MTA3: variants seen among roughly 807,000 people sequenced by gnomAD.
The protein encoded by MTA3 is metastasis-associated protein MTA3.
MTA3 carries 34 observed loss-of-function variants against 83.5 expected under a neutral mutation model. The observed-to-expected ratio is 0.41, with a 90% CI of 0.31 to 0.54. The LOEUF (loss-of-function observed/expected upper bound fraction) is 0.54. Ranked by LOEUF, MTA3 falls within the 20% of genes least tolerant of loss-of-function variation. MTA3 has a pLI of 0.33. For synonymous variants in MTA3, 303 were observed against 252.7 expected (o/e 1.20, Z -1.89); for missense variants, 761 against 726.4 (o/e 1.05, Z -0.55).
intron 8 of MTA3, among the ~76,000 whole-genome samples, chr2:42,660,263 AT>A (rs1689559760): frequency 6.6e-6 from 1 of 151,588 alleles, no homozygotes; most frequent in African/African-American, 2.4e-5. Flanking sequence ...TAATTTTTGT[AT>A]TTTTGGTAGA....
chr2:42,582,628 T>TA (rs1233824406), intron 3 of MTA3, among the ~76,000 whole-genome samples: 1 of 152,060 alleles, frequency 6.6e-6, no homozygotes, highest in Non-Finnish European at 1.5e-5. Flanking sequence ...ACTCTATTTT[T>TA]AAAAAAATTA....
intron 2 of MTA3, among the ~76,000 whole-genome samples, chr2:42,506,593 G>A (rs1002688548): frequency 4.6e-5 from 7 of 151,480 alleles, no homozygotes; most frequent in African/African-American, 1.5e-4. Context: ...TAGGCGGGGG[G>A]TAACGGATTG....
At chr2:42,735,074 C>G (rs563139027) in intron 16 of MTA3, among the ~76,000 whole-genome samples, 1 of 152,198 alleles carries the variant, frequency 6.6e-6, no homozygotes, top group South Asian at 2.1e-4. Context: ...ACCTTCAGAT[C>G]ATTTCTTATT....
chr2:42,645,745 G>A (rs952701338), intron 6 of MTA3, among the ~76,000 whole-genome samples: 4 of 152,156 alleles, frequency 2.6e-5, no homozygotes, highest in Admixed American at 6.5e-5. Flanking sequence ...GCCAGCAGAG[G>A]TTGGGTCATG....
At chr2:42,722,280 C>A (rs1667464942) in intron 15 of MTA3, among the ~76,000 whole-genome samples, 1 of 152,172 alleles carries the variant, frequency 6.6e-6, no homozygotes, top group African/African-American at 2.4e-5. Context: ...ATGCATATAC[C>A]ACAGGCACAT....
In MTA3 at chr2:42,633,702, T is replaced by C. The variant is rs561168060; in HGVS notation, c.318-6471T>C. 5.4e-3 allele frequency among the ~76,000 whole-genome samples: 814 copies of C among 152,092 alleles called. 2 individuals carry two copies. Among genetic ancestry groups the C allele is most frequent in the Admixed American group, 8.1e-3 (124 of 15,258 alleles). On this transcript the variant is annotated intron_variant, in intron 4 of 16. Transcript: ENST00000405094. ...GTCAGGAGATCGAGACCATCCTGGC[T>C]AACACAGTGAAACCCCGTCTCTACT...
At chr2:42,594,728 A>ATATATATATATTTTTT in intron 3 of MTA3, among the ~76,000 whole-genome samples, 22 of 24,042 alleles carry the variant, frequency 9.2e-4, no homozygotes, top group African/African-American at 1.1e-3. Flanking sequence ...ATATATATAT[A>ATATATATATATTTTTT]TTTTTTTTTT....
At chr2:42,694,860 G>C (rs1693235808) in intron 9 of MTA3, among the ~76,000 whole-genome samples, 1 of 152,180 alleles carries the variant, frequency 6.6e-6, no homozygotes, top group Non-Finnish European at 1.5e-5. Flanking sequence ...TGTTATCAGG[G>C]CTGGTCACGG....
At chr2:42,642,732 C>T (rs1419122695) in intron 5 of MTA3, among the ~76,000 whole-genome samples, 2 of 151,126 alleles carry the variant, frequency 1.3e-5, no homozygotes, top group East Asian at 3.9e-4. Flanking sequence ...GCAACCTCTG[C>T]CTCCTGTGTT....
intron 4 of MTA3, among the ~76,000 whole-genome samples, chr2:42,624,707 G>A (rs1685910575): frequency 6.6e-6 from 1 of 152,104 alleles, no homozygotes; most frequent in South Asian, 2.1e-4. Flanking sequence ...TAAATATTTT[G>A]TAACTTCCTA....
intron 4 of MTA3, among the ~76,000 whole-genome samples, chr2:42,615,285 A>G (rs1354803321): frequency 6.8e-6 from 1 of 147,904 alleles, no homozygotes; most frequent in Non-Finnish European, 1.5e-5. Context: ...AATGTTTACT[A>G]TGGAACACTG....
chr2:42,755,473 C>G lies in MTA3; in HGVS notation c.*2074C>G. The G allele has an allele frequency of 2.0e-6, 2 of 985,482 alleles. No individual in the cohort carries two copies. Among genetic ancestry groups the G allele is most frequent in the Non-Finnish European group, 2.4e-6 (2 of 829,962 alleles). 61.0% of individuals were successfully genotyped at this position (985,482 alleles called of 1,614,324 possible). ...ACATTTGGCTTTGGGAAAAGCGCAG[C>G]TTGTTCGAGCCACGTGTGCCAAGCA... is the stretch of plus-strand genomic sequence containing the variant. On this transcript the variant is annotated 3_prime_UTR_variant, in exon 17 of 17. Coordinates refer to ENST00000405094, the MANE Select transcript of MTA3 (RefSeq NM_001330442.2).
intron 3 of MTA3, among the ~76,000 whole-genome samples, chr2:42,582,109 G>A (rs1482339448): frequency 1.3e-5 from 2 of 151,918 alleles, no homozygotes; most frequent in African/African-American, 2.4e-5. Context: ...CCAGGCTGGA[G>A]TGTAGTGGCG....
chr2:42,549,122 G>A lies in MTA3; in HGVS notation c.-140-21315G>A, dbSNP rs530896569. On this transcript the variant is annotated intron_variant, in intron 2 of 17. Coordinates refer to the MTA3 transcript ENST00000405592. ...TGGGAGGCGGAGCTTGCAGTGAGCC[G>A]AGATCGTGCCATTGCACTCCAGCCT... is the stretch of plus-strand genomic sequence containing the variant. 5.8e-3 allele frequency among the ~76,000 whole-genome samples: 793 copies of A among 137,834 alleles called. 7 individuals carry two copies. Among genetic ancestry groups the A allele is most frequent in the Non-Finnish European group, 8.4e-3 (549 of 65,596 alleles). The allele number at this position is 137,834 out of a possible 152,430, so 90.4% of individuals were successfully genotyped here. A position where few individuals can be genotyped will look rare whatever the true frequency, so the allele number is the denominator to read the frequency against.
chr2:42,731,503 GA>G (rs1486655244), intron 16 of MTA3, among the ~76,000 whole-genome samples: 1 of 152,192 alleles, frequency 6.6e-6, no homozygotes, highest in Non-Finnish European at 1.5e-5. Context: ...AGCAAAAGCA[GA>G]AACTTCTAAT....
chr2:42,623,903 G>C (rs1015843506), intron 4 of MTA3, among the ~76,000 whole-genome samples: 2 of 152,036 alleles, frequency 1.3e-5, no homozygotes, highest in East Asian at 3.9e-4. Context: ...ATGGTGGCCA[G>C]CTGGTCTCGA....
chr2:42,581,826 G>T (rs1046468996), intron 3 of MTA3: 6 of 255,468 alleles, frequency 2.3e-5, no homozygotes, highest in African/African-American at 1.2e-4. Context: ...GAGTGCAATG[G>T]CACGATCTCG....
At chr2:42,735,357 T>C (rs114510840) in intron 16 of MTA3, among the ~76,000 whole-genome samples, 2,759 of 152,306 alleles carry the variant, frequency 0.018, 89 homozygotes, top group African/African-American at 0.063. Flanking sequence ...CTTTGTATGA[T>C]ATTTGTTCCT....
At chr2:42,677,881 A>T (rs147661488) in intron 8 of MTA3, among the ~76,000 whole-genome samples, 40 of 152,280 alleles carry the variant, frequency 2.6e-4, no homozygotes, top group African/African-American at 5.5e-4. Flanking sequence ...TGTCTCTCTC[A>T]CACACACAAA....
Sources: gnomAD v4.1 joint callset for allele counts (sites outside exome capture counted in the v4.1 genomes callset) on GRCh38, gnomAD v4.1.1 for gene constraint, MANE v1.5 for transcripts, NCBI Gene and HGNC (gene_info 2026-07-23, HGNC 2026-07-21) for gene names.